ASAP1: variants seen among roughly 807,000 people sequenced by gnomAD.
The protein encoded by ASAP1 is ArfGAP with SH3 domain, ankyrin repeat and PH domain 1.
Under a neutral mutation model 145.2 loss-of-function variants are expected in ASAP1, and 43 were observed. The observed-to-expected ratio is 0.30, with a 90% CI of 0.23 to 0.38. The LOEUF (loss-of-function observed/expected upper bound fraction) is 0.38, where lower values mean the gene tolerates loss of function less well. ASAP1 is among the 10% of genes least tolerant of loss of function. ASAP1 has a pLI of 1.00. For missense variants in ASAP1, 1,018 were observed against 1,355.3 expected, an observed-to-expected ratio of 0.75 and a Z score of 3.91; for synonymous variants, 546 against 515.5, an observed-to-expected ratio of 1.06 and a Z score of -0.80.
At chr8:130,215,534 G>A (rs1453136226) in intron 4 of ASAP1, among the ~76,000 whole-genome samples, 1 of 152,080 alleles carries the variant, frequency 6.6e-6, no homozygotes, top group Non-Finnish European at 1.5e-5. Flanking sequence ...ACGAGGTCAG[G>A]AGATCGAGAC....
chr8:130,249,113 G>C (rs1320541605), intron 3 of ASAP1, among the ~76,000 whole-genome samples: 1 of 152,038 alleles, frequency 6.6e-6, no homozygotes, highest in East Asian at 1.9e-4. Context: ...TCTTACTTTA[G>C]GACTTAATCA....
At chr8:130,285,832 C>T (rs1175524897) in intron 3 of ASAP1, among the ~76,000 whole-genome samples, 1 of 152,206 alleles carries the variant, frequency 6.6e-6, no homozygotes, top group Non-Finnish European at 1.5e-5. Flanking sequence ...AACTTTATCA[C>T]GTTCTGTTCC....
At chr8:130,422,399 C>G (rs910526270) in intron 1 of ASAP1, among the ~76,000 whole-genome samples, 1 of 152,184 alleles carries the variant, frequency 6.6e-6, no homozygotes, top group Non-Finnish European at 1.5e-5. Context: ...GCCTGACTTT[C>G]TAATTCCTTG....
chr8:130,258,990 A>G (rs894321023), intron 3 of ASAP1, among the ~76,000 whole-genome samples: 11 of 152,200 alleles, frequency 7.2e-5, no homozygotes, highest in African/African-American at 2.2e-4. Context: ...AATAAATTCC[A>G]GAGGAGCATG....
intron 22 of ASAP1, 134 bp from the exon 23 acceptor site, chr8:130,115,869 C>G (rs575830240): frequency 4.6e-5 from 31 of 670,306 alleles, no homozygotes; most frequent in Non-Finnish European, 8.3e-5. Context: ...AGGCAACACT[C>G]TGCTTAGACA....
chr8:130,339,977 C>T (rs937026804), intron 3 of ASAP1, among the ~76,000 whole-genome samples: 3 of 152,308 alleles, frequency 2.0e-5, no homozygotes, highest in East Asian at 1.9e-4. Flanking sequence ...GCTCACCTTG[C>T]CTAAATTCTT....
intron 2 of ASAP1, among the ~76,000 whole-genome samples, chr8:130,389,754 G>A (rs955911937): frequency 6.6e-6 from 1 of 151,962 alleles, no homozygotes; most frequent in Non-Finnish European, 1.5e-5. Context: ...AGGCTGGAGT[G>A]CAGTGGCACA....
intron 3 of ASAP1, among the ~76,000 whole-genome samples, chr8:130,286,026 C>T (rs1821588619): frequency 6.6e-6 from 1 of 152,232 alleles, no homozygotes; most frequent in Admixed American, 6.5e-5. Flanking sequence ...TGAAAACCTA[C>T]TATGTGCCAG....
At chr8:130,242,321 A>G (rs1818590050) in intron 3 of ASAP1, among the ~76,000 whole-genome samples, 1 of 150,620 alleles carries the variant, frequency 6.6e-6, no homozygotes, top group Non-Finnish European at 1.5e-5. Flanking sequence ...GGAAAAAAAA[A>G]GGGCTTCCAT....
At chr8:130,176,629 C>G (rs776777926) in intron 9 of ASAP1, among the ~76,000 whole-genome samples, 1 of 152,048 alleles carries the variant, frequency 6.6e-6, no homozygotes, top group East Asian at 1.9e-4. Context: ...AGTCCCACCA[C>G]CTCCTTCAAG....
chr8:130,401,446 T>C (rs1011583736), intron 2 of ASAP1, among the ~76,000 whole-genome samples: 4 of 152,092 alleles, frequency 2.6e-5, no homozygotes, highest in Admixed American at 6.6e-5. Flanking sequence ...GGTTTCGCCA[T>C]GTTGGTCAGG....
intron 3 of ASAP1, among the ~76,000 whole-genome samples, chr8:130,291,388 C>A (rs1821935926): frequency 6.6e-6 from 1 of 152,220 alleles, no homozygotes; most frequent in South Asian, 2.1e-4. Flanking sequence ...TCCTTGCCTC[C>A]ACATGTCCTT....
rs556994849 is a variant in ASAP1, at chr8:130,422,868, A to G, written c.-28+20592T>C. On this transcript the variant is annotated intron_variant, in intron 1 of 29. Coordinates refer to ENST00000518721, the MANE Select transcript of ASAP1 (RefSeq NM_018482.4). ...GTTTCCTCCACTGCTGCCTTCTATT[A>G]TTCTTAACATGGAATGATAAAGATG... Among the ~76,000 whole-genome samples the G allele has an allele frequency of 2.6e-5, 4 of 152,338 alleles. No individual in the cohort carries two copies. The East Asian group carries it at 7.7e-4, about 29-fold the overall frequency.
chr8:130,219,999 G>C (rs1817194387), intron 4 of ASAP1, among the ~76,000 whole-genome samples: 1 of 152,102 alleles, frequency 6.6e-6, no homozygotes, highest in African/African-American at 2.4e-5. Context: ...ATGTTGCCCA[G>C]GCTCGTCTCC....
Position 130,054,761 on chromosome 8 carries a change from T to C in ASAP1, c.3360A>G (p.Pro1120=). The C allele has an allele frequency of 6.2e-7, 1 of 1,613,738 alleles. No individual in the cohort carries two copies. Residue 1120 remains proline (P), a synonymous_variant, in exon 30 of 30, where the codon CCA becomes CCG. Transcript: ENST00000518721. ...CAGACAGGATATGAACAAAGGACAC[T>C]GGAAAGACCCCCTTCCTTTCAGGCT... ...EGQPERKGVF[P]VSFVHILSD
intron 3 of ASAP1, among the ~76,000 whole-genome samples, chr8:130,257,795 C>T: frequency 6.9e-6 from 1 of 144,818 alleles, no homozygotes; most frequent in Non-Finnish European, 1.5e-5. Flanking sequence ...CACCCCCCCC[C>T]CATTATTTTT....
At chr8:130,253,886 C>T (rs542165848) in intron 3 of ASAP1, among the ~76,000 whole-genome samples, 38 of 152,012 alleles carry the variant, frequency 2.5e-4, no homozygotes, top group Admixed American at 7.2e-4. Flanking sequence ...CCAGCCGTGG[C>T]GGTGGGAGCC....
intron 24 of ASAP1, among the ~76,000 whole-genome samples, chr8:130,098,571 A>G (rs984444460): frequency 6.6e-6 from 1 of 152,076 alleles, no homozygotes; most frequent in Non-Finnish European, 1.5e-5. Context: ...GCTGGGCTCA[A>G]ACCCCTGATC....
At chr8:130,387,976 T>C (rs1201287324) in intron 2 of ASAP1, among the ~76,000 whole-genome samples, 1 of 152,174 alleles carries the variant, frequency 6.6e-6, no homozygotes, top group Non-Finnish European at 1.5e-5. Flanking sequence ...TTCCAGATTG[T>C]TACAACTGCT....
Sources: gnomAD v4.1 joint callset for allele counts (sites outside exome capture counted in the v4.1 genomes callset) on GRCh38, gnomAD v4.1.1 for gene constraint, MANE v1.5 for transcripts, NCBI Gene and HGNC (gene_info 2026-07-23, HGNC 2026-07-21) for gene names.